Variants in NFIX observed in about 807,000 individuals in gnomAD.
NFIX encodes the protein nuclear factor 1 X-type.
NFIX carries 2 observed loss-of-function variants against 53.3 expected under a neutral mutation model. The observed-to-expected ratio is 0.04, with a 90% CI of 0.02 to 0.12. The LOEUF is 0.12. Among genes scored for constraint, NFIX ranks in the 10% least tolerant of loss-of-function variants. The probability of loss-of-function intolerance (pLI) is 1.00; values close to 1 mark genes in which losing one functional copy is unlikely to be tolerated. For missense variants in NFIX, 310 were observed against 674.5 expected, an observed-to-expected ratio of 0.46 and a Z score of 5.99; for synonymous variants, 244 against 289.0, an observed-to-expected ratio of 0.84 and a Z score of 1.58.
chr19:13,077,347 C>T (rs143201983), intron 6 of NFIX, among the ~76,000 whole-genome samples: 3 of 152,342 alleles, frequency 2.0e-5, no homozygotes, highest in East Asian at 3.9e-4. Flanking sequence ...CAGCACCCTC[C>T]GGCTCCCTTT....
Position 13,089,241 on chromosome 19 carries a change from G to A in NFIX, c.1403-1058G>A, listed in dbSNP as rs2017990336. On this transcript the variant is annotated intron_variant, in intron 9 of 10. Coordinates refer to ENST00000592199, the MANE Select transcript of NFIX (RefSeq NM_001365902.3). The surrounding 1 kb of genome is among the most constrained non-coding windows in gnomAD (Gnocchi z 4.8). Reference sequence around the variant, plus strand: ...GTTCGGGGGCCACTTCTGGAGAGAGGTGGGCAGAATCTGGTGAGCATGGAG... The same window carrying A: ...GTTCGGGGGCCACTTCTGGAGAGAGATGGGCAGAATCTGGTGAGCATGGAG... 6.6e-6 allele frequency among the ~76,000 whole-genome samples: 1 copy of A among 152,196 alleles called. No individual in the cohort carries two copies. The highest frequency in any genetic ancestry group is 2.4e-5 in the African/African-American group (1 of 41,450).
chr19:13,069,124 G>A (rs2016608514), intron 2 of NFIX, among the ~76,000 whole-genome samples: 1 of 152,106 alleles, frequency 6.6e-6, no homozygotes, highest in South Asian at 2.1e-4. Context: ...GTTGGTGTGG[G>A]GCGAGGGGAA....
chr19:13,083,872 C>T (rs2017619796), intron 8 of NFIX, among the ~76,000 whole-genome samples: 1 of 152,246 alleles, frequency 6.6e-6, no homozygotes, highest in Non-Finnish European at 1.5e-5. Flanking sequence ...GGCTCCGCCA[C>T]TGATCCAGTG....
At position 13,006,582 on chromosome 19, in the gene NFIX, GC is replaced by G. The variant is rs1433652846; in HGVS notation, c.27+10722del. On this transcript the variant is annotated intron_variant, in intron 1 of 10. Transcript: ENST00000592199. This position sits in a 1 kb window ranked among gnomAD's most constrained non-coding sequence, Gnocchi z 5.6. ...GGCCCAGAGTGGCACTTCCACCTGG[GC>G]CCCTCAATTTAGCTCCCCCGGGGCG... Among the ~76,000 whole-genome samples, 1 of 152,184 alleles carries G rather than the reference GC, an allele frequency of 6.6e-6. No homozygotes were observed. Among genetic ancestry groups the G allele is most frequent in the Admixed American group, 6.5e-5 (1 of 15,284 alleles).
At chr19:13,023,411 C>T (rs2013074097) in intron 1 of NFIX, among the ~76,000 whole-genome samples, 1 of 151,782 alleles carries the variant, frequency 6.6e-6, no homozygotes, top group African/African-American at 2.4e-5. Context: ...TCCTCTTCCC[C>T]GGGAATCTGC....
intron 10 of NFIX, among the ~76,000 whole-genome samples, chr19:13,091,368 GT>G (rs778831406): frequency 1.2e-3 from 66 of 52,892 alleles, no homozygotes; most frequent in East Asian, 8.4e-3. Context: ...GTTTGAGATT[GT>G]TTTTTTTTTT....
At position 13,001,814 on chromosome 19, in the gene NFIX, G is replaced by C. The variant is rs1307868446; in HGVS notation, c.27+5950G>C. ...ATGTGAGATGCCTGCTATGGCGGCC[G>C]GGCAAGCGGCTGGGAGCGGGCTGGC... On this transcript the variant is annotated intron_variant, in intron 1 of 10. Coordinates refer to ENST00000592199, the MANE Select transcript of NFIX (RefSeq NM_001365902.3). The surrounding 1 kb of genome is among the most constrained non-coding windows in gnomAD (Gnocchi z 6.5). 6.6e-6 allele frequency among the ~76,000 whole-genome samples: 1 copy of C among 152,236 alleles called. No homozygotes were observed. Among genetic ancestry groups the C allele is most frequent in the African/African-American group, 2.4e-5 (1 of 41,466 alleles).
At position 13,096,360 on chromosome 19, in the gene NFIX, AG is replaced by A. The variant is rs1455812081; in HGVS notation, c.*1714del. On this transcript the variant is annotated 3_prime_UTR_variant, in exon 11 of 11. Transcript: ENST00000592199. Reference sequence around the variant, plus strand: ...GCTGTGGCCCCGAGCTGGCGGAGGGAGGGAAGAGGAGGGAGTGACGGGAGGG... The same window carrying A: ...GCTGTGGCCCCGAGCTGGCGGAGGGAGGAAGAGGAGGGAGTGACGGGAGGG... 2 of 152,068 alleles carry A rather than the reference AG, an allele frequency of 1.3e-5. No homozygotes were observed. The highest frequency in any genetic ancestry group is 2.9e-5 in the Non-Finnish European group (2 of 68,022). The allele number at this position is 152,068 out of a possible 1,614,324, so 9.4% of individuals were successfully genotyped here.
intron 2 of NFIX, among the ~76,000 whole-genome samples, chr19:13,039,311 G>T (rs2014450995): frequency 6.6e-6 from 1 of 151,756 alleles, no homozygotes; most frequent in African/African-American, 2.4e-5. Context: ...CAGCCACGTG[G>T]GACAGTAACT....
intron 1 of NFIX, among the ~76,000 whole-genome samples, chr19:13,016,110 A>G (rs1476569776): frequency 6.6e-6 from 1 of 152,210 alleles, no homozygotes; most frequent in Non-Finnish European, 1.5e-5. Context: ...CCTAACTTAC[A>G]GTGTGTGCAC....
Position 13,043,051 on chromosome 19 carries a change from G to A in NFIX, c.559+17499G>A, listed in dbSNP as rs2014745933. 6.6e-6 allele frequency among the ~76,000 whole-genome samples: 1 copy of A among 152,094 alleles called. No homozygotes were observed. Among genetic ancestry groups the A allele is most frequent in the Non-Finnish European group, 1.5e-5 (1 of 68,028 alleles). Reference sequence around the variant, plus strand: ...CATATCGTGTACATTGCACATACATGTCATGTCAGGATGCACTTTTACAAG... The same window carrying A: ...CATATCGTGTACATTGCACATACATATCATGTCAGGATGCACTTTTACAAG... On this transcript the variant is annotated intron_variant, in intron 2 of 10. Coordinates refer to ENST00000592199, the MANE Select transcript of NFIX (RefSeq NM_001365902.3). The surrounding 1 kb of genome is among the most constrained non-coding windows in gnomAD (Gnocchi z 4.0).
At position 13,078,575 on chromosome 19, in the gene NFIX, A is replaced by C; in HGVS notation, c.956-38A>C. ...GCCTTCCCCGCACCCACCCCAGCCC[A>C]GCTAAACCTGCCCTGTGTTGCTGCT... On this transcript the variant is annotated intron_variant, in intron 6 of 10. Transcript: ENST00000592199. This position sits in a 1 kb window ranked among gnomAD's most constrained non-coding sequence, Gnocchi z 4.7. 1 of 1,576,882 alleles carries C rather than the reference A, an allele frequency of 6.3e-7. No individual in the cohort carries two copies. Among genetic ancestry groups the C allele is most frequent in the Non-Finnish European group, 8.6e-7 (1 of 1,160,538 alleles).
chr19:13,035,245 T>C (rs961492964), intron 2 of NFIX, among the ~76,000 whole-genome samples: 9 of 152,250 alleles, frequency 5.9e-5, no homozygotes, highest in Non-Finnish European at 1.3e-4. Flanking sequence ...CGTCTACTCC[T>C]GTGTGTCCTG....
At position 13,098,068 on chromosome 19, in the gene NFIX, C is replaced by T. The variant is rs1466539303; in HGVS notation, c.*3419C>T. Reference sequence around the variant, plus strand: ...GCCGGCCGACCTAGTGCCTTGTTCTCACCCCCGTGCTGGCGGAGCGGACGC... The same window carrying T: ...GCCGGCCGACCTAGTGCCTTGTTCTTACCCCCGTGCTGGCGGAGCGGACGC... On this transcript the variant is annotated 3_prime_UTR_variant, in exon 11 of 11. Transcript: ENST00000592199. 6.6e-6 allele frequency: 1 copy of T among 152,328 alleles called. No individual in the cohort carries two copies. Among genetic ancestry groups the T allele is most frequent in the Non-Finnish European group, 1.5e-5 (1 of 68,226 alleles). The allele number at this position is 152,328 out of a possible 1,614,324, so 9.4% of individuals were successfully genotyped here.
chr19:13,009,253 A>AT lies in NFIX; in HGVS notation c.27+13391dup, dbSNP rs1390579568. ...GCGTCACAGCTTGTCACAGCCATAG[A>AT]TTCCTCACAATAAAAATAACAGCTA... On this transcript the variant is annotated intron_variant, in intron 1 of 10. Transcript: ENST00000592199. This position sits in a 1 kb window ranked among gnomAD's most constrained non-coding sequence, Gnocchi z 4.7. Among the ~76,000 whole-genome samples, 1 of 151,362 alleles carries AT rather than the reference A, an allele frequency of 6.6e-6. No homozygotes were observed. The highest frequency in any genetic ancestry group is 2.4e-5 in the African/African-American group (1 of 41,328).
chr19:13,019,727 G>GTTTTTTTTTTTTTTTTTTTT (rs201956443), intron 1 of NFIX, among the ~76,000 whole-genome samples: 1 of 124,028 alleles, frequency 8.1e-6, no homozygotes, highest in African/African-American at 3.3e-5. Context: ...TTTTTTGTTT[G>GTTTTTTTTTTTTTTTTTTTT]TTTGTTTTTT....
Position 13,027,387 on chromosome 19 carries a change from G to A in NFIX, c.559+1835G>A, listed in dbSNP as rs982759494. The stretch of plus-strand genomic sequence containing the variant: ...CATTCTCTGTCTATACAGCAAGCCA[G>A]ATTTGGGAGGGTGTGTGCCTGGTAG... On this transcript the variant is annotated intron_variant, in intron 2 of 10. Coordinates refer to ENST00000592199, the MANE Select transcript of NFIX (RefSeq NM_001365902.3). This position sits in a 1 kb window ranked among gnomAD's most constrained non-coding sequence, Gnocchi z 4.3. Among the ~76,000 whole-genome samples the A allele has an allele frequency of 6.6e-6, 1 of 152,184 alleles. No individual in the cohort carries two copies. Among genetic ancestry groups the A allele is most frequent in the African/African-American group, 2.4e-5 (1 of 41,426 alleles).
chr19:13,047,130 A>T (rs2145297995), intron 2 of NFIX, among the ~76,000 whole-genome samples: 1 of 152,036 alleles, frequency 6.6e-6, no homozygotes, highest in East Asian at 1.9e-4. Flanking sequence ...TGAGCCTTGG[A>T]TTCTTGGGAT....
intron 8 of NFIX, among the ~76,000 whole-genome samples, chr19:13,083,077 G>A (rs1286660906): frequency 2.0e-5 from 3 of 152,002 alleles, no homozygotes; most frequent in Non-Finnish European, 4.4e-5. Flanking sequence ...TTCTCCCTTT[G>A]CCCATCGAGG....
Sources: gnomAD v4.1 joint callset for allele counts (sites outside exome capture counted in the v4.1 genomes callset) on GRCh38, gnomAD v4.1.1 for gene constraint, Gnocchi (gnomAD v3.1) non-coding constraint, MANE v1.5 for transcripts, NCBI Gene and HGNC (gene_info 2026-07-23, HGNC 2026-07-21) for gene names.